CADPS2: variants seen among roughly 807,000 people sequenced by gnomAD.
CADPS2 encodes calcium-dependent secretion activator 2.
CADPS2 carries 93 observed loss-of-function variants against 172.5 expected under a neutral mutation model. That is an observed-to-expected ratio of 0.54 (90% CI 0.46 to 0.64). The LOEUF (loss-of-function observed/expected upper bound fraction) is 0.64, where lower values mean the gene tolerates loss of function less well. Among genes scored for constraint, CADPS2 ranks in the 30% least tolerant of loss-of-function variants. The pLI, the probability that CADPS2 is intolerant of heterozygous loss-of-function variation, is 0.00. For synonymous variants in CADPS2, 546 were observed against 555.2 expected (o/e 0.98, Z 0.23); for missense variants, 1,420 against 1,565.9 (o/e 0.91, Z 1.57).
At chr7:122,832,502 G>T (rs569479261) in intron 1 of CADPS2, among the ~76,000 whole-genome samples, 1 of 152,122 alleles carries the variant, frequency 6.6e-6, no homozygotes, top group Non-Finnish European at 1.5e-5. Context: ...AGATATAAGC[G>T]CATATTTCCC....
At chr7:122,700,092 A>G (rs1446341368) in intron 2 of CADPS2, among the ~76,000 whole-genome samples, 2 of 152,212 alleles carry the variant, frequency 1.3e-5, no homozygotes, top group African/African-American at 4.8e-5. Flanking sequence ...ACTCACAAGC[A>G]TAGTAAGTTC....
chr7:122,721,727 A>G (rs1016103299), intron 2 of CADPS2, among the ~76,000 whole-genome samples: 1 of 152,116 alleles, frequency 6.6e-6, no homozygotes, highest in Non-Finnish European at 1.5e-5. Flanking sequence ...CCTGGCAGAG[A>G]CACAACAAAA....
intron 1 of CADPS2, among the ~76,000 whole-genome samples, chr7:122,833,035 T>A (rs1807080273): frequency 6.6e-6 from 1 of 152,172 alleles, no homozygotes; most frequent in Non-Finnish European, 1.5e-5. Context: ...TGAGAAACAA[T>A]CATCTAGGGA....
At chr7:122,708,202 C>T (rs2087912784) in intron 2 of CADPS2, among the ~76,000 whole-genome samples, 1 of 151,602 alleles carries the variant, frequency 6.6e-6, no homozygotes, top group Admixed American at 6.6e-5. Context: ...ATCTTATTCT[C>T]ATCTTTTTAA....
intron 8 of CADPS2, among the ~76,000 whole-genome samples, chr7:122,517,619 G>T (rs984124895): frequency 2.6e-4 from 40 of 151,926 alleles, no homozygotes; most frequent in Admixed American, 1.1e-3. Context: ...ATGTATTTCT[G>T]GTACAACCAA....
rs190618849 is a variant in CADPS2, at chr7:122,705,264, G to A, written c.453+31691C>T. Among the ~76,000 whole-genome samples, 236 of 151,260 alleles carry A rather than the reference G, an allele frequency of 1.6e-3. 1 individual carries two copies. Among genetic ancestry groups the A allele is most frequent in the Admixed American group, 3.5e-3 (52 of 15,008 alleles). On this transcript the variant is annotated intron_variant, in intron 2 of 29. Transcript: ENST00000449022. Reference sequence around the variant, plus strand: ...TGGAACCGCATGTGACTGGGAGACAGAGAGAGAGACTGGATGATTGAGGCT... The same window carrying A: ...TGGAACCGCATGTGACTGGGAGACAAAGAGAGAGACTGGATGATTGAGGCT...
chr7:122,672,022 T>C (rs933147932), intron 2 of CADPS2, among the ~76,000 whole-genome samples: 1 of 152,194 alleles, frequency 6.6e-6, no homozygotes, highest in Non-Finnish European at 1.5e-5. Context: ...GGAAGCATAA[T>C]GAGTAATGTC....
intron 9 of CADPS2, 105 bp downstream of exon 9, chr7:122,513,142 CAT>C (rs1473362494): frequency 5.2e-5 from 38 of 726,716 alleles, no homozygotes; most frequent in Non-Finnish European, 3.7e-5. Flanking sequence ...GTGGCTTAAA[CAT>C]ATTTTAATTT....
At chr7:122,615,371 G>T in intron 5 of CADPS2, 72 bp from the exon 6 acceptor site, 2 of 994,124 alleles carry the variant, frequency 2.0e-6, no homozygotes, top group Non-Finnish European at 2.9e-6. Context: ...ACAGCAGCAT[G>T]AACTGTAATA....
At chr7:122,725,051 C>T (rs899848984) in intron 2 of CADPS2, among the ~76,000 whole-genome samples, 5 of 151,928 alleles carry the variant, frequency 3.3e-5, no homozygotes, top group East Asian at 1.9e-4. Flanking sequence ...AATGTAGTTT[C>T]GGTGTAGTTC....
At chr7:122,830,262 C>T (rs1230582591) in intron 1 of CADPS2, among the ~76,000 whole-genome samples, 1 of 151,988 alleles carries the variant, frequency 6.6e-6, no homozygotes, top group African/African-American at 2.4e-5. Context: ...GATAAAAAGG[C>T]AAAATAAATG....
At position 122,839,102 on chromosome 7, in the gene CADPS2, C is replaced by A. The variant is rs189851033; in HGVS notation, c.339+46897G>T. The stretch of plus-strand genomic sequence containing the variant: ...AGAGATATAGACCAATGGAACAGAA[C>A]AGAGCCCTCAGAAATAATACCACAC... On this transcript the variant is annotated intron_variant, in intron 1 of 29. Transcript: ENST00000449022. Among the ~76,000 whole-genome samples, 557 of 152,248 alleles carry A rather than the reference C, an allele frequency of 3.7e-3. 3 individuals are homozygous for A. The highest frequency in any genetic ancestry group is 5.4e-3 in the Non-Finnish European group (367 of 68,016).
At chr7:122,716,508 C>T (rs2089622540) in intron 2 of CADPS2, among the ~76,000 whole-genome samples, 1 of 152,054 alleles carries the variant, frequency 6.6e-6, no homozygotes, top group African/African-American at 2.4e-5. Context: ...GAAAGGAACA[C>T]ATTTGGTTTT....
intron 15 of CADPS2, among the ~76,000 whole-genome samples, chr7:122,444,131 T>A (rs2051784083): frequency 6.6e-6 from 1 of 152,180 alleles, no homozygotes; most frequent in South Asian, 2.1e-4. Flanking sequence ...TATTCATTCA[T>A]GCTGTTGTAT....
intron 3 of CADPS2, among the ~76,000 whole-genome samples, chr7:122,648,076 C>T (rs562032197): frequency 3.3e-5 from 5 of 152,244 alleles, no homozygotes; most frequent in South Asian, 4.1e-4. Context: ...AAGGTTACTT[C>T]GTTGTCATCT....
intron 15 of CADPS2, among the ~76,000 whole-genome samples, chr7:122,451,060 C>G (rs1299286795): frequency 1.3e-5 from 2 of 152,232 alleles, no homozygotes; most frequent in African/African-American, 2.4e-5. Context: ...CCTGGTAATA[C>G]AGAGAGCAGG....
At chr7:122,609,591 G>T (rs1245061565) in intron 6 of CADPS2, among the ~76,000 whole-genome samples, 2 of 152,034 alleles carry the variant, frequency 1.3e-5, no homozygotes, top group Non-Finnish European at 1.5e-5. Flanking sequence ...TTGCCTCACC[G>T]TTACTCTTTG....
intron 24 of CADPS2, among the ~76,000 whole-genome samples, chr7:122,382,026 GT>G (rs1290378652): frequency 6.6e-6 from 1 of 152,080 alleles, no homozygotes; most frequent in East Asian, 1.9e-4. Context: ...GCACATGAGT[GT>G]GAGAGAAAAG....
intron 1 of CADPS2, among the ~76,000 whole-genome samples, chr7:122,866,303 T>C (rs1818301322): frequency 6.6e-6 from 1 of 152,178 alleles, no homozygotes; most frequent in African/African-American, 2.4e-5. Flanking sequence ...ACTTTAACCA[T>C]TGCTATAGTC....
Sources: allele counts gnomAD v4.1 joint callset (sites outside exome capture counted in the v4.1 genomes callset), GRCh38; gene constraint gnomAD v4.1.1; transcripts MANE v1.5; gene names NCBI Gene and HGNC (gene_info 2026-07-23, HGNC 2026-07-21).